The following MSN variants were observed in gnomAD, a reference collection of about 807,000 sequenced individuals.
MSN encodes moesin.
Under a neutral mutation model 48.0 loss-of-function variants are expected in MSN, and 2 were observed. The ratio of observed to expected loss-of-function variants is 0.04; its 90% CI spans 0.02 to 0.13. MSN has a LOEUF of 0.13. Among genes scored for constraint, MSN ranks in the 10% least tolerant of loss-of-function variants. The pLI is 1.00. For missense variants in MSN, 267 were observed against 470.1 expected (o/e 0.57, Z 3.99); for synonymous variants, 146 against 166.9 (o/e 0.87, Z 0.97).
intron 1 of MSN, among the ~76,000 whole-genome samples, chrX:65,674,226 A>C (rs1330549480): frequency 9.0e-6 from 1 of 111,621 alleles, no homozygotes; most frequent in Non-Finnish European, 1.9e-5. Context: ...TTGCTGTCCT[A>C]AGAAACTTTA....
At chrX:65,634,165 T>G (rs2070580284) in intron 1 of MSN, among the ~76,000 whole-genome samples, 1 of 112,116 alleles carries the variant, frequency 8.9e-6, no homozygotes, top group Non-Finnish European at 1.9e-5. Context: ...AGAGAGCCAT[T>G]GAAACAGGCC....
chrX:65,611,584 A>C (rs947610885), intron 1 of MSN, among the ~76,000 whole-genome samples: 42 of 111,871 alleles, frequency 3.8e-4, no homozygotes, highest in African/African-American at 1.2e-3. Flanking sequence ...TTGTATGTCT[A>C]TACAACATTT....
In MSN at chrX:65,698,473, C is replaced by T. The variant is rs56204907; in HGVS notation, c.13-18345C>T. ...ATAATGGGCAGCTTTGCTGCTCTTT[C>T]TCAGGGCCCCAGTTGTTTCCCTCCC... is the stretch of plus-strand genomic sequence containing the variant. On this transcript the variant is annotated intron_variant, in intron 1 of 12. Coordinates refer to ENST00000360270, the MANE Select transcript of MSN (RefSeq NM_002444.3). 5.8e-3 allele frequency among the ~76,000 whole-genome samples: 657 copies of T among 112,418 alleles called. 2 individuals are homozygous for T. Among genetic ancestry groups the T allele is most frequent in the Middle Eastern group, 9.1e-3 (2 of 219 alleles).
intron 1 of MSN, among the ~76,000 whole-genome samples, chrX:65,620,514 C>T (rs1175118338): frequency 3.5e-5 from 4 of 113,870 alleles, no homozygotes; most frequent in Non-Finnish European, 7.5e-5. Flanking sequence ...AGAAAGGGAA[C>T]TCCCTGACCC....
At chrX:65,627,562 A>G (rs1039867117) in intron 1 of MSN, among the ~76,000 whole-genome samples, 4 of 111,109 alleles carry the variant, frequency 3.6e-5, no homozygotes, top group African/African-American at 9.8e-5. Flanking sequence ...CCATGATTCA[A>G]TTACCTCCCC....
intron 1 of MSN, among the ~76,000 whole-genome samples, chrX:65,639,878 C>T (rs2070635379): frequency 1.8e-5 from 2 of 111,736 alleles, no homozygotes; most frequent in African/African-American, 6.5e-5. Flanking sequence ...ATACACAGGA[C>T]TTACTGTTTG....
intron 11 of MSN, 129 bp downstream of exon 11, chrX:65,738,746 A>G: frequency 1.5e-6 from 1 of 663,995 alleles, no homozygotes; most frequent in Admixed American, 3.3e-5. Context: ...AGCATGGGAG[A>G]AGGCACTCAT....
At chrX:65,630,938 T>G (rs2070552178) in intron 1 of MSN, among the ~76,000 whole-genome samples, 1 of 111,562 alleles carries the variant, frequency 9.0e-6, no homozygotes, top group Admixed American at 9.6e-5. Context: ...CTCAGTTACC[T>G]GCACTCATAA....
intron 1 of MSN, chrX:65,593,388 T>G (rs1381290545): frequency 8.9e-6 from 1 of 112,084 alleles, no homozygotes; most frequent in Non-Finnish European, 1.9e-5. Flanking sequence ...AGAATAATTC[T>G]GTTTAAAAAA....
intron 1 of MSN, among the ~76,000 whole-genome samples, chrX:65,604,468 G>T (rs958229855): frequency 6.2e-5 from 7 of 112,163 alleles, no homozygotes; most frequent in African/African-American, 2.3e-4. Context: ...GTTAATAGAG[G>T]TTAGGAAACA....
chrX:65,694,592 G>A, intron 1 of MSN, among the ~76,000 whole-genome samples: 1 of 112,024 alleles, frequency 8.9e-6, no homozygotes, highest in South Asian at 3.7e-4. Flanking sequence ...GCCTCCAAAA[G>A]TGCTGGGATT....
In MSN at chrX:65,717,537, A is replaced by C. The variant is rs753347454; in HGVS notation, c.96+636A>C. ...AGTGAAGAGGTCATTCCCATCTCCA[A>C]CCCAAGGGGTGTCCCTTCATTGTGA... On this transcript the variant is annotated intron_variant, in intron 2 of 12. Transcript: ENST00000360270. Among the ~76,000 whole-genome samples, 3 of 112,112 alleles carry C rather than the reference A, an allele frequency of 2.7e-5. No homozygotes were observed. In the South Asian group the frequency reaches 1.1e-3, roughly 41 times the overall value.
chrX:65,631,501 G>A (rs889319831), intron 1 of MSN, among the ~76,000 whole-genome samples: 10 of 111,673 alleles, frequency 9.0e-5, no homozygotes, highest in African/African-American at 3.3e-4. Flanking sequence ...TGTAATCCTT[G>A]AGATTGACTT....
intron 1 of MSN, among the ~76,000 whole-genome samples, chrX:65,589,277 AT>A (rs2070124792): frequency 1.1e-5 from 1 of 92,492 alleles, no homozygotes; most frequent in African/African-American, 4.2e-5. Flanking sequence ...TATCTTGGCC[AT>A]TTAGTCTGCA....
intron 1 of MSN, among the ~76,000 whole-genome samples, chrX:65,643,340 A>T (rs1160546774): frequency 9.0e-6 from 1 of 111,243 alleles, no homozygotes; most frequent in Non-Finnish European, 1.9e-5. Context: ...TATTCTGCAC[A>T]GGACTGCTTC....
At chrX:65,652,744 A>G (rs1358785003) in intron 1 of MSN, among the ~76,000 whole-genome samples, 1 of 112,221 alleles carries the variant, frequency 8.9e-6, no homozygotes, top group Non-Finnish European at 1.9e-5. Flanking sequence ...CCTGGGAGTC[A>G]GGAGAACTAG....
At chrX:65,656,430 C>G (rs1319083580) in intron 1 of MSN, among the ~76,000 whole-genome samples, 1 of 110,682 alleles carries the variant, frequency 9.0e-6, no homozygotes, top group African/African-American at 3.3e-5. Context: ...CTTAGAGAAA[C>G]TGAACATAAT....
exon 1 of MSN, chrX:65,588,604 A>C: frequency 1.3e-6 from 1 of 799,126 alleles, no homozygotes; most frequent in Non-Finnish European, 1.5e-6. Flanking sequence ...GACCATGCAA[A>C]ACAACCAAGT....
intron 1 of MSN, among the ~76,000 whole-genome samples, chrX:65,601,164 G>A (rs967199702): frequency 6.2e-5 from 7 of 112,140 alleles, no homozygotes; most frequent in Non-Finnish European, 1.3e-4. Flanking sequence ...ACCTCTGGCA[G>A]TGGAGGGCTT....
Sources: gnomAD v4.1 joint callset for allele counts (sites outside exome capture counted in the v4.1 genomes callset) on GRCh38, gnomAD v4.1.1 for gene constraint, MANE v1.5 for transcripts, NCBI Gene and HGNC (gene_info 2026-07-23, HGNC 2026-07-21) for gene names.